Variants in SPATS2L observed in about 807,000 individuals in gnomAD.
The protein encoded by SPATS2L is spermatogenesis associated serine rich 2 like, also known as SPATS2-like protein.
In SPATS2L, 30 loss-of-function variants were observed where a neutral mutation model predicts 59.6. That is an observed-to-expected ratio of 0.50 (90% CI 0.38 to 0.68). The LOEUF is 0.68. Ranked by LOEUF, SPATS2L falls within the 30% of genes least tolerant of loss-of-function variation. The pLI, the probability that SPATS2L is intolerant of heterozygous loss-of-function variation, is 0.00. For missense variants in SPATS2L, 615 were observed against 700.0 expected (o/e 0.88, Z 1.37); for synonymous variants, 252 against 263.5 (o/e 0.96, Z 0.42).
chr2:200,425,851 T>A (rs1302864073), intron 6 of SPATS2L, among the ~76,000 whole-genome samples: 1 of 152,014 alleles, frequency 6.6e-6, no homozygotes, highest in Non-Finnish European at 1.5e-5. Context: ...GTGTAATAAA[T>A]GTTATAAAGG....
intron 6 of SPATS2L, among the ~76,000 whole-genome samples, chr2:200,435,630 G>C (rs1050000936): frequency 6.6e-6 from 1 of 152,054 alleles, no homozygotes; most frequent in African/African-American, 2.4e-5. Flanking sequence ...TGATGAACAA[G>C]ACATACATCA....
Position 200,481,980 on chromosome 2 carries a change from C to G in SPATS2L, c.*3949C>G, listed in dbSNP as rs1029954176. The G allele has an allele frequency of 2.0e-5, 3 of 152,102 alleles. No individual in the cohort carries two copies. The highest frequency in any genetic ancestry group is 7.2e-5 in the African/African-American group (3 of 41,424). The allele number at this position is 152,102 out of a possible 1,614,324, so 9.4% of individuals were successfully genotyped here. A position where few individuals can be genotyped will look rare whatever the true frequency, so the allele number is the denominator to read the frequency against. On this transcript the variant is annotated 3_prime_UTR_variant, in exon 13 of 13. Transcript: ENST00000409140. ...CAGGGGTGAGCCACTGCGCCCGGCC[C>G]CAGTCACTTGTTCTTAAGTTTCTTA... is the stretch of plus-strand genomic sequence containing the variant.
intron 3 of SPATS2L, among the ~76,000 whole-genome samples, chr2:200,409,188 T>C (rs1311203479): frequency 6.6e-6 from 1 of 152,230 alleles, no homozygotes; most frequent in East Asian, 1.9e-4. Context: ...GTGAATTTTA[T>C]GAGTTCTCCG....
rs2083057912 is a variant in SPATS2L at position 200,416,326 on chromosome 2, G to A, written c.149-53G>A. On this transcript the variant is annotated intron_variant, in intron 4 of 12. Coordinates refer to ENST00000409140, the MANE Select transcript of SPATS2L (RefSeq NM_001100423.2). Reference sequence around the variant, plus strand: ...AGATGGAAAGACAGAGATGAATTTTGTGTGGTGTTTTATGATGTGAATATT... The same window carrying A: ...AGATGGAAAGACAGAGATGAATTTTATGTGGTGTTTTATGATGTGAATATT... 7 of 854,450 alleles carry A rather than the reference G, an allele frequency of 8.2e-6. No individual in the cohort carries two copies. The South Asian group carries it at 2.0e-4, about 25-fold the overall frequency. 52.9% of individuals were successfully genotyped at this position (854,450 alleles called of 1,614,324 possible).
intron 5 of SPATS2L, among the ~76,000 whole-genome samples, chr2:200,419,019 T>G (rs899252995): frequency 1.3e-5 from 2 of 152,198 alleles, no homozygotes; most frequent in Non-Finnish European, 2.9e-5. Flanking sequence ...TTCCTTTTAT[T>G]GGAACCTTTT....
intron 2 of SPATS2L, among the ~76,000 whole-genome samples, chr2:200,378,959 A>C (rs1216713338): frequency 6.6e-6 from 1 of 152,214 alleles, no homozygotes; most frequent in Non-Finnish European, 1.5e-5. Flanking sequence ...GCTAACAGCA[A>C]GCGTGCCTCT....
intron 6 of SPATS2L, among the ~76,000 whole-genome samples, chr2:200,431,246 A>G (rs892169880): frequency 6.6e-6 from 1 of 152,220 alleles, no homozygotes; most frequent in Non-Finnish European, 1.5e-5. Context: ...ACTTTTTAAG[A>G]AGTTTCTTTT....
chr2:200,383,527 A>G (rs2081893589), intron 2 of SPATS2L, among the ~76,000 whole-genome samples: 1 of 152,088 alleles, frequency 6.6e-6, no homozygotes, highest in Non-Finnish European at 1.5e-5. Flanking sequence ...GTTTTCCATC[A>G]CAACTTCCCC....
chr2:200,377,104 T>G (rs1193383280), intron 2 of SPATS2L, among the ~76,000 whole-genome samples: 1 of 152,214 alleles, frequency 6.6e-6, no homozygotes, highest in Non-Finnish European at 1.5e-5. Flanking sequence ...CCAGGCACTG[T>G]TGTAATCACT....
intron 1 of SPATS2L, among the ~76,000 whole-genome samples, chr2:200,318,207 G>T (rs2079443542): frequency 6.6e-6 from 1 of 152,204 alleles, no homozygotes; most frequent in Non-Finnish European, 1.5e-5. Flanking sequence ...AAAAGGGGAA[G>T]ATGTTATGCC....
intron 2 of SPATS2L, chr2:200,351,202 T>C (rs1314221076): frequency 4.2e-6 from 2 of 470,596 alleles, no homozygotes; most frequent in African/African-American, 4.0e-5. Context: ...CTTCTGTAGC[T>C]GAGCACTTGC....
At chr2:200,317,549 C>T in intron 1 of SPATS2L, among the ~76,000 whole-genome samples, 1 of 152,126 alleles carries the variant, frequency 6.6e-6, no homozygotes, top group East Asian at 1.9e-4. Flanking sequence ...AAATCTGGGG[C>T]AAGGGGCCCA....
At chr2:200,453,815 G>A (rs529225171) in intron 8 of SPATS2L, among the ~76,000 whole-genome samples, 18 of 152,322 alleles carry the variant, frequency 1.2e-4, no homozygotes, top group African/African-American at 4.1e-4. Flanking sequence ...TGAAAGAAAT[G>A]GAAATTCTTT....
At chr2:200,474,379 C>G in intron 12 of SPATS2L, among the ~76,000 whole-genome samples, 1 of 151,802 alleles carries the variant, frequency 6.6e-6, no homozygotes, top group East Asian at 1.9e-4. Context: ...CAATCTCGGC[C>G]CACTGCAGCC....
intron 6 of SPATS2L, among the ~76,000 whole-genome samples, chr2:200,424,761 G>A (rs965323571): frequency 1.3e-5 from 2 of 152,142 alleles, no homozygotes; most frequent in Admixed American, 6.5e-5. Context: ...CCAGGAGCAG[G>A]ACTGTGGGCC....
At chr2:200,429,316 G>T (rs948205829) in intron 6 of SPATS2L, among the ~76,000 whole-genome samples, 4 of 152,238 alleles carry the variant, frequency 2.6e-5, no homozygotes, top group Non-Finnish European at 5.9e-5. Context: ...ACCATAAGGT[G>T]TCCACATTTA....
intron 2 of SPATS2L, 84 bp downstream of exon 2, chr2:200,329,564 GAGCCTTGTCAC>G: frequency 8.1e-7 from 1 of 1,242,080 alleles, no homozygotes; most frequent in Non-Finnish European, 1.2e-6. Flanking sequence ...TGCCTCCTGG[GAGCCTTGTCAC>G]AGCCTTTGGC....
In SPATS2L at chr2:200,472,848, C is replaced by G; in HGVS notation, c.1077C>G (p.Asn359Lys). Reference sequence around the variant, plus strand: ...TTATTGCAGTTACACATCCAAAGAACAACTATTCCTCAAGAACTCCCTGCA... The same window carrying G: ...TTATTGCAGTTACACATCCAAAGAAGAACTATTCCTCAAGAACTCCCTGCA... ...MLCGEITHPKNNYSSRTPCSS... is the reference protein window; with the variant it reads ...MLCGEITHPKKNYSSRTPCSS... The change falls in exon 12 of 13, where the codon AAC becomes AAG. Residue 359 changes from asparagine to lysine, a missense_variant. By Grantham distance (94) the Asn-to-Lys change is moderately conservative (BLOSUM62 0). Coordinates refer to ENST00000409140, the MANE Select transcript of SPATS2L (RefSeq NM_001100423.2). 1 of 1,613,944 alleles carries G rather than the reference C, an allele frequency of 6.2e-7. No individual in the cohort carries two copies. The highest frequency in any genetic ancestry group is 8.5e-7 in the Non-Finnish European group (1 of 1,179,870).
rs115836935 is a variant in SPATS2L, at chr2:200,407,014, C to T, written c.40-5297C>T. 4.1e-3 allele frequency among the ~76,000 whole-genome samples: 627 copies of T among 152,252 alleles called. 2 individuals carry two copies. Among genetic ancestry groups the T allele is most frequent in the Admixed American group, 7.4e-3 (113 of 15,296 alleles). ...GAAGAAGGGTAGACAAGGTAGTCTC[C>T]CCCAAATACGTCTTGACCAACATTC... On this transcript the variant is annotated intron_variant, in intron 3 of 12. Coordinates refer to ENST00000409140, the MANE Select transcript of SPATS2L (RefSeq NM_001100423.2).
Sources: gnomAD v4.1 joint callset for allele counts (sites outside exome capture counted in the v4.1 genomes callset) on GRCh38, gnomAD v4.1.1 for gene constraint, MANE v1.5 for transcripts, NCBI Gene and HGNC (gene_info 2026-07-23, HGNC 2026-07-21) for gene names.